The following PIK3C2B variants were observed in gnomAD, a reference collection of about 807,000 sequenced individuals.
PIK3C2B encodes phosphatidylinositol 4-phosphate 3-kinase C2 domain-containing subunit beta.
A neutral mutation model predicts 184.3 loss-of-function variants in PIK3C2B; 83 were observed. That is an observed-to-expected ratio of 0.45 (90% CI 0.38 to 0.54). PIK3C2B has a LOEUF of 0.54. PIK3C2B is among the 20% of genes least tolerant of loss of function. The pLI is 0.00. For synonymous variants in PIK3C2B, 779 were observed against 837.6 expected (o/e 0.93, Z 1.21); for missense variants, 1,736 against 2,113.5 (o/e 0.82, Z 3.50).
chr1:204,440,995 T>G (rs1675629315), intron 21 of PIK3C2B, among the ~76,000 whole-genome samples: 1 of 152,192 alleles, frequency 6.6e-6, no homozygotes, highest in Admixed American at 6.5e-5. Context: ...CTAAGTCACA[T>G]GCATGTATTT....
At chr1:204,470,524 A>G (rs529314054) in intron 1 of PIK3C2B, among the ~76,000 whole-genome samples, 26 of 152,252 alleles carry the variant, frequency 1.7e-4, no homozygotes, top group Non-Finnish European at 2.9e-5. Context: ...TCTCCAGTCA[A>G]TTTGAAGAGG....
At chr1:204,426,832 CA>C (rs1366176671) in intron 31 of PIK3C2B, among the ~76,000 whole-genome samples, 1 of 152,184 alleles carries the variant, frequency 6.6e-6, no homozygotes, top group Non-Finnish European at 1.5e-5. Flanking sequence ...CAGCACAATG[CA>C]AGTATTCAAG....
intron 2 of PIK3C2B, chr1:204,466,860 G>A (rs548506719): frequency 1.9e-6 from 1 of 533,110 alleles, no homozygotes; most frequent in East Asian, 5.4e-5. Context: ...GTATCAGGCT[G>A]GCATTTGGAG....
intron 10 of PIK3C2B, 127 bp downstream of exon 10, chr1:204,456,910 A>C (rs1385012567): frequency 2.0e-4 from 35 of 172,594 alleles, no homozygotes; most frequent in East Asian, 8.0e-4. Flanking sequence ...ACACACACCC[A>C]CACACACACA....
chr1:204,469,745 T>C lies in PIK3C2B; in HGVS notation c.58A>G (p.Ser20Gly). 1 of 1,614,052 alleles carries C rather than the reference T, an allele frequency of 6.2e-7. No homozygotes were observed. The highest frequency in any genetic ancestry group is 8.5e-7 in the Non-Finnish European group (1 of 1,179,954). ...TCGGCCATCGCTAGCTCTTTGCGGCTGATGCCCACTGACTCCAGGGACTTC... is the reference window on the plus strand; with the variant it reads ...TCGGCCATCGCTAGCTCTTTGCGGCCGATGCCCACTGACTCCAGGGACTTC... ...HWKSLESVGI[S>G]RKELAMAEAL... is the part of the protein sequence containing the mutation. The change falls in exon 2 of 33, where the codon AGC becomes GGC. Residue 20 changes from serine to glycine, a missense_variant. Physicochemically the swap from Ser to Gly is moderately conservative, Grantham distance 56 (BLOSUM62 0). Coordinates refer to ENST00000684373, the MANE Select transcript of PIK3C2B (RefSeq NM_001377334.1).
chr1:204,428,905 A>G (rs1460757767), intron 29 of PIK3C2B: 2 of 456,218 alleles, frequency 4.4e-6, no homozygotes, highest in South Asian at 1.5e-5. Flanking sequence ...TGCATGCTTG[A>G]AAGTTTTAAC....
rs1653542182 is a variant in PIK3C2B at position 204,443,328 on chromosome 1, T to C, written c.3048+89A>G. 9 of 1,314,184 alleles carry C rather than the reference T, an allele frequency of 6.8e-6. No homozygotes were observed. The Admixed American group carries it at 1.1e-4, about 16-fold the overall frequency. The allele number at this position is 1,314,184 out of a possible 1,614,324, so 81.4% of individuals were successfully genotyped here. Reference sequence around the variant, plus strand: ...CGCTCCAAAATCAAAAATCGTCACGTGGAATCTTGTTGTTCAGGATTCCTA... The same window carrying C: ...CGCTCCAAAATCAAAAATCGTCACGCGGAATCTTGTTGTTCAGGATTCCTA... On this transcript the variant is annotated intron_variant, in intron 19 of 32. Coordinates refer to ENST00000684373, the MANE Select transcript of PIK3C2B (RefSeq NM_001377334.1).
Position 204,456,908 on chromosome 1 carries a change from C to CACCCA in PIK3C2B, c.1747+128_1747+129insTGGGT, listed in dbSNP as rs1558257293. On this transcript the variant is annotated intron_variant, in intron 10 of 32. Transcript: ENST00000684373. ...CACACACACACACACACACACACAC[C>CACCCA]CACACACACACACACACCAGCCGAA... 801 of 214,200 alleles carry CACCCA rather than the reference C, an allele frequency of 3.7e-3. 8 individuals are homozygous for CACCCA. The highest frequency in any genetic ancestry group is 4.1e-3 in the Non-Finnish European group (470 of 115,634). The allele number at this position is 214,200 out of a possible 1,614,324, so 13.3% of individuals were successfully genotyped here.
At position 204,440,329 on chromosome 1, in the gene PIK3C2B, G is replaced by A. The variant is rs778878470; in HGVS notation, c.3250-8C>T. Reference sequence around the variant, plus strand: ...GCGAAGGTCGTCCCCACACTGGATGGAGGGAGAAAGTGACCAGATCTAATC... The same window carrying A: ...GCGAAGGTCGTCCCCACACTGGATGAAGGGAGAAAGTGACCAGATCTAATC... On this transcript the variant is annotated splice_region_variant and splice_polypyrimidine_tract_variant and intron_variant, in intron 21 of 32. Transcript: ENST00000684373. 2 of 1,576,382 alleles carry A rather than the reference G, an allele frequency of 1.3e-6. No homozygotes were observed. Among genetic ancestry groups the A allele is most frequent in the Non-Finnish European group, 8.6e-7 (1 of 1,160,178 alleles).
At chr1:204,434,322 C>T (rs1419046344) in intron 24 of PIK3C2B, 117 bp downstream of exon 24, 1 of 900,122 alleles carries the variant, frequency 1.1e-6, no homozygotes, top group Non-Finnish European at 1.8e-6. Context: ...CTGCTCAGCC[C>T]TGGGACCATG....
Position 204,433,801 on chromosome 1 carries a change from G to A in PIK3C2B, c.3835C>T (p.Leu1279=). The A allele has an allele frequency of 1.2e-6, 2 of 1,614,190 alleles. No homozygotes were observed. Among genetic ancestry groups the A allele is most frequent in the Non-Finnish European group, 1.7e-6 (2 of 1,179,980 alleles). Residue 1279 remains leucine, a synonymous_variant, in exon 25 of 33, where the codon CTG becomes TTG. Coordinates refer to ENST00000684373, the MANE Select transcript of PIK3C2B (RefSeq NM_001377334.1). The surrounding 1 kb of genome is among the most constrained non-coding windows in gnomAD (Gnocchi z 5.0). ...GGGATGGAGCTCCTCACCAGGCCCA[G>A]AAGGTTGAGGAAGAGGTGGGTGTGC... ...RKHTHLFLNL[L]GLMLSCGIPE... is the part of the protein sequence containing the mutation.
chr1:204,490,711 A>G (rs2103543051), intron 1 of PIK3C2B, among the ~76,000 whole-genome samples: 1 of 151,972 alleles, frequency 6.6e-6, no homozygotes, highest in Middle Eastern at 3.4e-3. Context: ...ATCACTTGAG[A>G]CCAGAAGTTC....
At chr1:204,428,289 T>C in intron 29 of PIK3C2B, 69 bp from the exon 30 acceptor site, 1 of 908,222 alleles carries the variant, frequency 1.1e-6, no homozygotes. Flanking sequence ...GGAAGGGGAC[T>C]GTTCCAGATG....
Position 204,460,550 on chromosome 1 carries a change from C to T in PIK3C2B, c.1422G>A (p.Thr474=), listed in dbSNP as rs574803799. The part of the protein sequence containing the change: ...QKVVRSDLAR[T]VNDDQSPSTL... ...AACCCTCCACCACCCTCACACGAAC[C>T]GTCCGGGCCAGGTCACTGCGCACAA... Residue 474 remains threonine (T), a splice_region_variant and synonymous_variant, in exon 6 of 33, where the codon ACG becomes ACA. Transcript: ENST00000684373. The T allele has an allele frequency of 1.9e-6, 3 of 1,612,662 alleles. No homozygotes were observed. Among genetic ancestry groups the T allele is most frequent in the East Asian group, 2.2e-5 (1 of 44,876 alleles).
intron 8 of PIK3C2B, 97 bp downstream of exon 8, chr1:204,459,781 C>T: frequency 9.6e-7 from 1 of 1,043,198 alleles, no homozygotes; most frequent in African/African-American, 1.6e-5. Context: ...CAGGCTCCAC[C>T]CAGACCCCTC....
Position 204,424,302 on chromosome 1 carries a change from C to A in PIK3C2B, c.*550G>T, listed in dbSNP as rs1229618486. ...CCACTGGGCCCCTCCCCAGATAGTT[C>A]CTATAGCTAGAAAACGAAACAACAA... On this transcript the variant is annotated 3_prime_UTR_variant, in exon 33 of 33. Coordinates refer to ENST00000684373, the MANE Select transcript of PIK3C2B (RefSeq NM_001377334.1). 4.8e-6 allele frequency: 1 copy of A among 207,232 alleles called. No individual in the cohort carries two copies. The highest frequency in any genetic ancestry group is 9.9e-6 in the Non-Finnish European group (1 of 100,550). 12.8% of individuals were successfully genotyped at this position (207,232 alleles called of 1,614,324 possible). A position where few individuals can be genotyped will look rare whatever the true frequency, so the allele number is the denominator to read the frequency against.
intron 12 of PIK3C2B, among the ~76,000 whole-genome samples, chr1:204,452,261 T>TCCTG (rs1025407894): frequency 1.4e-5 from 2 of 147,040 alleles, no homozygotes; most frequent in Non-Finnish European, 3.0e-5. Context: ...TTAAAGTTCC[T>TCCTG]CCTGGGCCAG....
At chr1:204,477,884 T>G (rs1212199247) in intron 1 of PIK3C2B, among the ~76,000 whole-genome samples, 1 of 152,150 alleles carries the variant, frequency 6.6e-6, no homozygotes, top group Non-Finnish European at 1.5e-5. Context: ...GAGCTTACAA[T>G]CTAGCAAAGG....
chr1:204,430,179 C>G (rs1300631316), intron 28 of PIK3C2B, 141 bp from the exon 29 acceptor site: 2 of 631,054 alleles, frequency 3.2e-6, no homozygotes, highest in Non-Finnish European at 5.7e-6. Flanking sequence ...TCTAGGGACC[C>G]TCACAATTCC....
Sources: allele counts gnomAD v4.1 joint callset (sites outside exome capture counted in the v4.1 genomes callset), GRCh38; gene constraint gnomAD v4.1.1; non-coding constraint Gnocchi (gnomAD v3.1); transcripts MANE v1.5; gene names NCBI Gene and HGNC (gene_info 2026-07-23, HGNC 2026-07-21).